The following RNLS variants were observed in gnomAD, a reference collection of about 807,000 sequenced individuals.
RNLS encodes renalase.
In RNLS, 39 loss-of-function variants were observed where a neutral mutation model predicts 39.8. That is an observed-to-expected ratio of 0.98 (90% CI 0.76 to 1.28). The LOEUF (loss-of-function observed/expected upper bound fraction) is 1.28. Among genes scored for constraint, RNLS ranks in the 50% most tolerant of loss-of-function variants. The probability of loss-of-function intolerance (pLI) is 0.00; values close to 1 mark genes in which losing one functional copy is unlikely to be tolerated. For synonymous variants in RNLS, 147 were observed against 150.7 expected, an observed-to-expected ratio of 0.98 and a Z score of 0.18; for missense variants, 410 against 413.3, an observed-to-expected ratio of 0.99 and a Z score of 0.07.
intron 5 of RNLS, among the ~76,000 whole-genome samples, chr10:88,318,266 C>T (rs565803552): frequency 6.6e-6 from 1 of 152,282 alleles, no homozygotes; most frequent in Admixed American, 6.5e-5. Context: ...GAGATCTCAC[C>T]CTTGGTGGGC....
At chr10:88,384,314 T>C (rs1358524250) in intron 4 of RNLS, among the ~76,000 whole-genome samples, 1 of 152,188 alleles carries the variant, frequency 6.6e-6, no homozygotes, top group African/African-American at 2.4e-5. Flanking sequence ...AGAGACTTTC[T>C]CAAGGTCAAA....
At chr10:88,350,713 G>C (rs1261973120) in intron 5 of RNLS, among the ~76,000 whole-genome samples, 1 of 152,154 alleles carries the variant, frequency 6.6e-6, no homozygotes, top group Non-Finnish European at 1.5e-5. Context: ...TGTCTTTATA[G>C]CAGCATGATT....
At chr10:88,517,342 C>A (rs1846462084) in intron 4 of RNLS, among the ~76,000 whole-genome samples, 2 of 151,858 alleles carry the variant, frequency 1.3e-5, no homozygotes, top group Admixed American at 1.3e-4. Flanking sequence ...TTAACAAAAT[C>A]AACATTGTCC....
the RNLS span, among the ~76,000 whole-genome samples, chr10:88,211,152 C>T: frequency 6.6e-6 from 1 of 152,072 alleles, no homozygotes; most frequent in African/African-American, 2.4e-5. Flanking sequence ...TCGATTTCAT[C>T]GTCCCATGTT....
At chr10:88,301,849 A>C (rs1641042307) in intron 6 of RNLS, among the ~76,000 whole-genome samples, 1 of 152,202 alleles carries the variant, frequency 6.6e-6, no homozygotes, top group African/African-American at 2.4e-5. Flanking sequence ...TGAAAAGATA[A>C]AAGAGTGAGA....
chr10:88,332,151 A>G (rs1847163938), intron 5 of RNLS, among the ~76,000 whole-genome samples: 1 of 152,212 alleles, frequency 6.6e-6, no homozygotes, highest in Non-Finnish European at 1.5e-5. Context: ...CTTTTTAAAA[A>G]TCTCAGATCT....
downstream of RNLS, among the ~76,000 whole-genome samples, chr10:88,269,837 A>AT (rs553137941): frequency 1.9e-4 from 29 of 152,212 alleles, 1 homozygote; most frequent in South Asian, 6.0e-3. Context: ...ACAGTTTGTT[A>AT]TTTTGTTTTA....
intron 5 of RNLS, among the ~76,000 whole-genome samples, chr10:88,317,918 C>T (rs888687751): frequency 6.6e-6 from 1 of 152,344 alleles, no homozygotes; most frequent in South Asian, 2.1e-4. Context: ...GCTCCCTTCA[C>T]CCCTGCAACA....
intron 5 of RNLS, among the ~76,000 whole-genome samples, chr10:88,333,832 C>A (rs1413787700): frequency 6.6e-6 from 1 of 152,114 alleles, no homozygotes; most frequent in African/African-American, 2.4e-5. Context: ...ACAAAAGAGG[C>A]TTGAGGGAAC....
chr10:88,543,400 T>G (rs1212249842), intron 4 of RNLS, among the ~76,000 whole-genome samples: 1 of 152,124 alleles, frequency 6.6e-6, no homozygotes, highest in Non-Finnish European at 1.5e-5. Flanking sequence ...TTTTTTAAAG[T>G]TCTAAAATTG....
At chr10:88,325,824 G>T (rs1846559025) in intron 5 of RNLS, among the ~76,000 whole-genome samples, 1 of 152,140 alleles carries the variant, frequency 6.6e-6, no homozygotes, top group South Asian at 2.1e-4. Flanking sequence ...TCTAGGGAGA[G>T]AACTGGTGTG....
At chr10:88,186,750 T>A in the RNLS span, among the ~76,000 whole-genome samples, 32 of 151,642 alleles carry the variant, frequency 2.1e-4, no homozygotes, top group Non-Finnish European at 4.1e-4. Flanking sequence ...AAAAAAAAAA[T>A]TTTGAGCAAA....
intron 6 of RNLS, among the ~76,000 whole-genome samples, chr10:88,298,808 A>G (rs1844287317): frequency 1.3e-5 from 2 of 152,066 alleles, no homozygotes; most frequent in African/African-American, 4.8e-5. Context: ...TTTGGCTATC[A>G]GGGGGTCCTT....
At chr10:88,379,780 C>T (rs1197460458) in intron 4 of RNLS, among the ~76,000 whole-genome samples, 2 of 152,156 alleles carry the variant, frequency 1.3e-5, no homozygotes, top group Non-Finnish European at 2.9e-5. Context: ...CTGGTTCTGA[C>T]TCAATCTTGG....
At chr10:88,324,878 G>A (rs12219687) in intron 5 of RNLS, among the ~76,000 whole-genome samples, 25,778 of 152,030 alleles carry the variant, frequency 0.17, 2,400 homozygotes, top group East Asian at 0.37. Flanking sequence ...TAGGCACCTC[G>A]TATAAATGGA....
the RNLS span, among the ~76,000 whole-genome samples, chr10:88,223,480 A>G: frequency 6.6e-6 from 1 of 152,252 alleles, no homozygotes; most frequent in East Asian, 1.9e-4. Flanking sequence ...AAAGGACAGT[A>G]CTGGATTTTA....
At chr10:88,249,447 G>A in the RNLS span, among the ~76,000 whole-genome samples, 1 of 152,132 alleles carries the variant, frequency 6.6e-6, no homozygotes, top group Non-Finnish European at 1.5e-5. Context: ...AAACTCAGTG[G>A]CTTAAAACAA....
At chr10:88,278,089 A>G (rs970752892) in intron 6 of RNLS, among the ~76,000 whole-genome samples, 5 of 152,196 alleles carry the variant, frequency 3.3e-5, no homozygotes, top group African/African-American at 1.2e-4. Context: ...GATTTTAGGC[A>G]CATAATGAAT....
chr10:88,189,858 GT>G, the RNLS span, among the ~76,000 whole-genome samples: 1 of 152,212 alleles, frequency 6.6e-6, no homozygotes, highest in Non-Finnish European at 1.5e-5. Flanking sequence ...AGTAAAAATT[GT>G]TTTTCTGTCC....
Sources: gnomAD v4.1 joint callset for allele counts (sites outside exome capture counted in the v4.1 genomes callset) on GRCh38, gnomAD v4.1.1 for gene constraint, MANE v1.5 for transcripts, NCBI Gene and HGNC (gene_info 2026-07-23, HGNC 2026-07-21) for gene names.